The following AKAP9 variants were observed in gnomAD, a reference collection of about 807,000 sequenced individuals.
The protein encoded by AKAP9 is A-kinase anchoring protein 9.
A neutral mutation model predicts 488.5 loss-of-function variants in AKAP9; 311 were observed. The ratio of observed to expected loss-of-function variants is 0.64; its 90% CI spans 0.58 to 0.70. The LOEUF is 0.70. Among genes scored for constraint, AKAP9 ranks in the 30% least tolerant of loss-of-function variants. The pLI is 0.00. For missense variants in AKAP9, 4,215 were observed against 4,374.5 expected (o/e 0.96, Z 1.03); for synonymous variants, 1,462 against 1,483.5 (o/e 0.99, Z 0.33).
At chr7:92,020,488 G>T (rs1315618996) in intron 12 of AKAP9, among the ~76,000 whole-genome samples, 7 of 152,018 alleles carry the variant, frequency 4.6e-5, no homozygotes, top group African/African-American at 1.4e-4. Context: ...CTTGCTTATC[G>T]CGTTTCTCTT....
Position 92,110,217 on chromosome 7 carries a change from T to C in AKAP9, c.*58T>C. On this transcript the variant is annotated 3_prime_UTR_variant, in exon 50 of 50. Coordinates refer to ENST00000356239, the MANE Select transcript of AKAP9 (RefSeq NM_005751.5). The stretch of plus-strand genomic sequence containing the variant: ...AAATAGATTTCCTTTTGTAAATCAA[T>C]GGTTCTTTTGTGCTTTTGTATTGTG... 1 of 1,355,850 alleles carries C rather than the reference T, an allele frequency of 7.4e-7. No homozygotes were observed. The highest frequency in any genetic ancestry group is 1.2e-5 in the South Asian group (1 of 82,156). 84.0% of individuals were successfully genotyped at this position (1,355,850 alleles called of 1,614,324 possible). A position where few individuals can be genotyped will look rare whatever the true frequency, so the allele number is the denominator to read the frequency against.
At chr7:91,978,841 C>G (rs769248263) in intron 2 of AKAP9, among the ~76,000 whole-genome samples, 3 of 151,712 alleles carry the variant, frequency 2.0e-5, no homozygotes, top group African/African-American at 7.3e-5. Context: ...ACCACAAGCT[C>G]TCCCTTCCAG....
In AKAP9 at chr7:91,995,779, G is replaced by A. The variant is rs770983849; in HGVS notation, c.909G>A (p.Glu303=). ...CAATGCAAATTAGTTTCTTGCAAGA[G>A]AAAATTAAAGTATATGAAATGGTAT... is the stretch of plus-strand genomic sequence containing the variant. ...DFTMQISFLQ[E]KIKVYEMEQD... The change falls in exon 7 of 50, where the codon GAG becomes GAA. Residue 303 remains glutamate (E), a synonymous_variant. Coordinates refer to ENST00000356239, the MANE Select transcript of AKAP9 (RefSeq NM_005751.5). 14 of 1,606,372 alleles carry A rather than the reference G, an allele frequency of 8.7e-6. No homozygotes were observed. In the East Asian group the frequency reaches 2.5e-4, roughly 28 times the overall value.
At chr7:91,962,952 T>C (rs1415278581) in intron 1 of AKAP9, among the ~76,000 whole-genome samples, 1 of 152,202 alleles carries the variant, frequency 6.6e-6, no homozygotes, top group Non-Finnish European at 1.5e-5. Flanking sequence ...AACCAAATTT[T>C]CACCTTTGCC....
intron 8 of AKAP9, among the ~76,000 whole-genome samples, chr7:92,011,903 C>A (rs573105877): frequency 6.6e-6 from 1 of 152,242 alleles, no homozygotes; most frequent in Admixed American, 6.5e-5. Context: ...GAGTTTCAGG[C>A]CAGCCTGGGC....
chr7:91,984,479 A>G lies in AKAP9; in HGVS notation c.351+4146A>G, dbSNP rs182489025. Among the ~76,000 whole-genome samples the G allele has an allele frequency of 2.6e-3, 397 of 152,154 alleles. 8 individuals are homozygous for G. The Middle Eastern group carries it at 0.031, about 12-fold the overall frequency. The stretch of plus-strand genomic sequence containing the variant: ...ATTTCTGAGGCCTGTGTTCTGTTCC[A>G]TTGGTCTATATCTCTGTTTTGGTAC... On this transcript the variant is annotated intron_variant, in intron 3 of 49. Transcript: ENST00000356239.
chr7:92,049,777 A>G (rs1807615488), intron 21 of AKAP9, among the ~76,000 whole-genome samples: 1 of 152,100 alleles, frequency 6.6e-6, no homozygotes, highest in South Asian at 2.1e-4. Context: ...AAATACCTTA[A>G]GCTAGGTGAC....
chr7:92,033,760 C>G (rs1245538985), intron 16 of AKAP9, among the ~76,000 whole-genome samples: 1 of 152,130 alleles, frequency 6.6e-6, no homozygotes, highest in Non-Finnish European at 1.5e-5. Flanking sequence ...TCTAAAAGCA[C>G]AAGGCTATAT....
intron 30 of AKAP9, 118 bp downstream of exon 30, chr7:92,077,993 T>TTTTATTTTA: frequency 1.5e-6 from 1 of 676,854 alleles, no homozygotes; most frequent in Non-Finnish European, 2.2e-6. Context: ...TTTTATTTTA[T>TTTTATTTTA]TTTATTTTAT....
chr7:91,962,310 ATT>A (rs775056115), intron 1 of AKAP9, among the ~76,000 whole-genome samples: 2 of 152,074 alleles, frequency 1.3e-5, no homozygotes, highest in Non-Finnish European at 2.9e-5. Context: ...TGTAGATATT[ATT>A]TTTCTGAGAA....
At chr7:91,942,518 A>G (rs796555550) in intron 1 of AKAP9, among the ~76,000 whole-genome samples, 17 of 152,372 alleles carry the variant, frequency 1.1e-4, no homozygotes, top group African/African-American at 4.1e-4. Flanking sequence ...AGCTCTATGC[A>G]TCTACGGAAG....
At chr7:92,068,914 A>T (rs185311714) in intron 26 of AKAP9, among the ~76,000 whole-genome samples, 13 of 152,246 alleles carry the variant, frequency 8.5e-5, no homozygotes, top group Admixed American at 7.2e-4. Flanking sequence ...TTACCATCAC[A>T]TGTCGCTTTT....
chr7:92,033,279 A>G (rs1014393821), intron 16 of AKAP9, among the ~76,000 whole-genome samples: 11 of 152,150 alleles, frequency 7.2e-5, no homozygotes, highest in Admixed American at 6.5e-5. Context: ...AAATGCAGCC[A>G]AGATACTGTG....
intron 22 of AKAP9, chr7:92,058,062 A>G: frequency 2.4e-6 from 1 of 413,086 alleles, no homozygotes; most frequent in East Asian, 4.3e-5. Flanking sequence ...CTAAAAAAGA[A>G]ACTTTTTATA....
At chr7:91,978,683 T>G (rs1796007094) in intron 2 of AKAP9, among the ~76,000 whole-genome samples, 1 of 151,540 alleles carries the variant, frequency 6.6e-6, no homozygotes, top group Admixed American at 6.7e-5. Flanking sequence ...AGTTATTACT[T>G]TTTTTAGCAT....
rs1424918595 is a variant in AKAP9, at chr7:92,110,290, T to C, written c.*131T>C. ...AACACAGCTTATGATTGTATACAAA[T>C]CCCTTGCCAGCACATGAAAACAAAC... On this transcript the variant is annotated 3_prime_UTR_variant, in exon 50 of 50. Transcript: ENST00000356239. 3 of 750,862 alleles carry C rather than the reference T, an allele frequency of 4.0e-6. No individual in the cohort carries two copies. The highest frequency in any genetic ancestry group is 3.5e-5 in the African/African-American group (2 of 57,128). 46.5% of individuals were successfully genotyped at this position (750,862 alleles called of 1,614,324 possible).
chr7:92,004,637 A>C (rs1799581279), intron 8 of AKAP9, among the ~76,000 whole-genome samples: 1 of 152,246 alleles, frequency 6.6e-6, no homozygotes, highest in South Asian at 2.1e-4. Flanking sequence ...TTGGTGTATA[A>C]GAATGCTTGT....
Position 92,022,248 on chromosome 7 carries a change from A to C in AKAP9, c.3848A>C (p.Gln1283Pro). 6.2e-7 allele frequency: 1 copy of C among 1,610,356 alleles called. No individual in the cohort carries two copies. Residue 1283 changes from glutamine to proline, a missense_variant, in exon 13 of 50, where the codon CAG becomes CCG. Around this residue, in one of 5 missense-constraint regions of AKAP9, gnomAD observed 2,361 missense variants for 2,430.0 expected, o/e 0.97. Coordinates refer to ENST00000356239, the MANE Select transcript of AKAP9 (RefSeq NM_005751.5). Reference sequence around the variant, plus strand: ...TGTGGTTTTCAATAGATCTGGGGACAGCAGACAGATGGTATGAAACTTGAA... The same window carrying C: ...TGTGGTTTTCAATAGATCTGGGGACCGCAGACAGATGGTATGAAACTTGAA... Reference protein sequence around the residue: ...LQTRLSKIWGQQTDGMKLEFG... With the variant: ...LQTRLSKIWGPQTDGMKLEFG...
At position 92,097,784 on chromosome 7, in the gene AKAP9, G is replaced by A. The variant is rs775884136; in HGVS notation, c.10597G>A (p.Ala3533Thr). The change falls in exon 42 of 50, where the codon GCC becomes ACC. Residue 3533 changes from alanine to threonine, a missense_variant. Ala to Thr is a moderately conservative substitution (Grantham distance 58). Transcript: ENST00000356239. ...AAAACTACAGGTTCTACCCCAGAAA[G>A]CCTCTGAGAGGTTAGACTTTTCTGC... ...ASKLQVLPQK[A>T]SERLQFETAD... The A allele has an allele frequency of 3.1e-6, 5 of 1,614,164 alleles. No individual in the cohort carries two copies. The highest frequency in any genetic ancestry group is 4.2e-6 in the Non-Finnish European group (5 of 1,179,990).
Sources: allele counts gnomAD v4.1 joint callset (sites outside exome capture counted in the v4.1 genomes callset), GRCh38; gene constraint gnomAD v4.1.1; regional missense constraint gnomAD v4.1.1; transcripts MANE v1.5; gene names NCBI Gene and HGNC (gene_info 2026-07-23, HGNC 2026-07-21).